The following SRPK1 variants were observed in gnomAD, a reference collection of about 807,000 sequenced individuals.
SRPK1 encodes SRSF protein kinase 1.
A neutral mutation model predicts 89.5 loss-of-function variants in SRPK1; 52 were observed. That is an observed-to-expected ratio of 0.58 (90% CI 0.46 to 0.73). SRPK1 has a LOEUF of 0.73. SRPK1 is among the 30% of genes least tolerant of loss of function. The probability of loss-of-function intolerance (pLI) is 0.00; values close to 1 mark genes in which losing one functional copy is unlikely to be tolerated. For synonymous variants in SRPK1, 255 were observed against 270.2 expected (o/e 0.94, Z 0.55); for missense variants, 603 against 780.6 (o/e 0.77, Z 2.71).
At chr6:35,849,873 A>G (rs1769516358) in intron 13 of SRPK1, among the ~76,000 whole-genome samples, 2 of 152,372 alleles carry the variant, frequency 1.3e-5, no homozygotes, top group South Asian at 4.1e-4. Flanking sequence ...AATACTATTC[A>G]GCCTTAAAAA....
intron 12 of SRPK1, among the ~76,000 whole-genome samples, chr6:35,868,219 T>G (rs1174344528): frequency 1.3e-5 from 2 of 152,032 alleles, no homozygotes; most frequent in Non-Finnish European, 2.9e-5. Flanking sequence ...GGTGATCTCA[T>G]GTGATCCGCC....
intron 6 of SRPK1, among the ~76,000 whole-genome samples, chr6:35,884,485 G>C (rs752607348): frequency 5.9e-5 from 9 of 152,228 alleles, no homozygotes; most frequent in African/African-American, 2.2e-4. Context: ...GGGAAAACGG[G>C]TAGAGGCAGG....
intron 2 of SRPK1, among the ~76,000 whole-genome samples, chr6:35,919,462 A>T (rs1318827972): frequency 6.6e-6 from 1 of 152,242 alleles, no homozygotes; most frequent in Non-Finnish European, 1.5e-5. Flanking sequence ...ATTAGACCGC[A>T]TACGATGCCA....
intron 2 of SRPK1, among the ~76,000 whole-genome samples, chr6:35,903,145 G>A (rs183494301): frequency 1.4e-3 from 213 of 151,846 alleles, no homozygotes; most frequent in African/African-American, 5.0e-3. Context: ...GTGAATGAAC[G>A]GAAAGATAGG....
intron 2 of SRPK1, among the ~76,000 whole-genome samples, chr6:35,898,303 A>G (rs368290471): frequency 1.3e-5 from 2 of 152,358 alleles, no homozygotes; most frequent in Middle Eastern, 3.4e-3. Context: ...GTTCTCACTT[A>G]TAAGTGGGAG....
Position 35,838,355 on chromosome 6 carries a change from C to G in SRPK1, c.1765G>C (p.Glu589Gln). Residue 589 changes from glutamate to glutamine, a missense_variant, in exon 15 of 16, where the codon GAA (glutamate) becomes CAA (glutamine). Glu to Gln is a conservative substitution (Grantham distance 29). Coordinates refer to ENST00000373825, the MANE Select transcript of SRPK1 (RefSeq NM_003137.5). ...ACTTTACCTTTTTTGGTGAAAAATT[C>G]CTTGGAATATTTTCCTGCCACAATG... is the stretch of plus-strand genomic sequence containing the variant. ...KLIVAGKYSK[E>Q]FFTKKGDLKH... 1 of 1,572,114 alleles carries G rather than the reference C, an allele frequency of 6.4e-7. No individual in the cohort carries two copies. The highest frequency in any genetic ancestry group is 8.6e-7 in the Non-Finnish European group (1 of 1,168,254).
intron 2 of SRPK1, among the ~76,000 whole-genome samples, chr6:35,904,586 G>A (rs1423106701): frequency 2.0e-5 from 3 of 151,572 alleles, no homozygotes. Context: ...AGATCATGAG[G>A]TCAGGAGTTT....
chr6:35,905,796 G>A (rs1169087693), intron 2 of SRPK1, among the ~76,000 whole-genome samples: 1 of 152,196 alleles, frequency 6.6e-6, no homozygotes, highest in African/African-American at 2.4e-5. Flanking sequence ...CAGCGTGGGA[G>A]AAAGAAGAGT....
At chr6:35,844,570 G>T (rs1276107099) in intron 13 of SRPK1, among the ~76,000 whole-genome samples, 2 of 152,256 alleles carry the variant, frequency 1.3e-5, no homozygotes, top group Admixed American at 6.5e-5. Flanking sequence ...CACAAAACCA[G>T]AAGTTTCAGG....
intron 6 of SRPK1, among the ~76,000 whole-genome samples, chr6:35,874,954 ACT>A (rs1446314406): frequency 2.0e-5 from 3 of 152,154 alleles, no homozygotes; most frequent in Non-Finnish European, 4.4e-5. Context: ...CAGCAGGAAT[ACT>A]CTGAGTCTAA....
At chr6:35,844,165 C>T (rs1233562457) in intron 13 of SRPK1, among the ~76,000 whole-genome samples, 8 of 151,890 alleles carry the variant, frequency 5.3e-5, no homozygotes, top group South Asian at 2.1e-4. Flanking sequence ...CCACCAAGCC[C>T]GGCTAATTTT....
At chr6:35,857,666 C>T (rs1769693066) in intron 12 of SRPK1, among the ~76,000 whole-genome samples, 1 of 152,194 alleles carries the variant, frequency 6.6e-6, no homozygotes. Flanking sequence ...TGGGGTCTCG[C>T]TATGTTACCC....
intron 6 of SRPK1, among the ~76,000 whole-genome samples, chr6:35,882,131 T>C (rs1770308483): frequency 1.5e-5 from 2 of 133,106 alleles, no homozygotes. Context: ...GTAGTAGTAG[T>C]AGTAGTAGTA....
In SRPK1 at chr6:35,865,346, A is replaced by G. The variant is rs139775773; in HGVS notation, c.1512+3664T>C. Among the ~76,000 whole-genome samples, 1,519 of 152,222 alleles carry G rather than the reference A, an allele frequency of 1.0e-2. 13 individuals are homozygous for G. The highest frequency in any genetic ancestry group is 0.012 in the Non-Finnish European group (799 of 68,022). On this transcript the variant is annotated intron_variant, in intron 12 of 15. Transcript: ENST00000373825. The stretch of plus-strand genomic sequence containing the variant: ...TACCCATTAAAAATTAAAAATTAAA[A>G]AAAATTTTAAAACAATCACACTATC...
chr6:35,856,501 C>T (rs1008913391), intron 13 of SRPK1, among the ~76,000 whole-genome samples: 1 of 152,118 alleles, frequency 6.6e-6, no homozygotes, highest in Admixed American at 6.6e-5. Flanking sequence ...TGCTCTTAAC[C>T]TATGAAGTCT....
intron 13 of SRPK1, among the ~76,000 whole-genome samples, chr6:35,847,099 C>G (rs1187560462): frequency 6.6e-6 from 1 of 152,250 alleles, no homozygotes; most frequent in Non-Finnish European, 1.5e-5. Flanking sequence ...GAACAAGACT[C>G]TCCCCACTTC....
At chr6:35,845,047 T>C (rs920420378) in intron 13 of SRPK1, among the ~76,000 whole-genome samples, 9 of 152,078 alleles carry the variant, frequency 5.9e-5, no homozygotes, top group African/African-American at 2.2e-4. Context: ...AAGAACCTAA[T>C]CTAAAAAGGC....
At chr6:35,852,574 T>A (rs1040372195) in intron 13 of SRPK1, among the ~76,000 whole-genome samples, 6 of 152,180 alleles carry the variant, frequency 3.9e-5, no homozygotes, top group African/African-American at 1.4e-4. Flanking sequence ...AAGGTGACAA[T>A]CTTTGGTGAA....
chr6:35,855,623 C>T (rs540834277), intron 13 of SRPK1, among the ~76,000 whole-genome samples: 4 of 152,092 alleles, frequency 2.6e-5, no homozygotes, highest in Admixed American at 2.0e-4. Context: ...GTCCCTTTTT[C>T]CTGGTAGGAA....
Sources: allele counts gnomAD v4.1 joint callset (sites outside exome capture counted in the v4.1 genomes callset), GRCh38; gene constraint gnomAD v4.1.1; transcripts MANE v1.5; gene names NCBI Gene and HGNC (gene_info 2026-07-23, HGNC 2026-07-21).